Variants in MAGI3 observed in about 807,000 individuals in gnomAD.
MAGI3 encodes the protein membrane-associated guanylate kinase, WW and PDZ domain-containing protein 3.
In MAGI3, 43 loss-of-function variants were observed where a neutral mutation model predicts 121.8. That is an observed-to-expected ratio of 0.35 (90% CI 0.28 to 0.46). The LOEUF (loss-of-function observed/expected upper bound fraction) is 0.46. MAGI3 is among the 20% of genes least tolerant of loss of function. The probability of loss-of-function intolerance (pLI) is 1.00; values close to 1 mark genes in which losing one functional copy is unlikely to be tolerated. For missense variants in MAGI3, 1,547 were observed against 1,797.3 expected (o/e 0.86, Z 2.52); for synonymous variants, 553 against 639.3 (o/e 0.86, Z 2.04).
chr1:113,420,507 A>G (rs1434268758), intron 1 of MAGI3, among the ~76,000 whole-genome samples: 1 of 152,224 alleles, frequency 6.6e-6, no homozygotes, highest in Non-Finnish European at 1.5e-5. Flanking sequence ...ATATATTTTC[A>G]CTTGTTTTGA....
At position 113,682,988 on chromosome 1, in the gene MAGI3, T is replaced by C. The variant is rs1441436370; in HGVS notation, c.3420T>C (p.Phe1140=). ...CATCTTCACATTTTGCTTCCATATTTGAAGAGTCTCACGTGCCAGTAATTG... is the reference window on the plus strand; with the variant it reads ...CATCTTCACATTTTGCTTCCATATTCGAAGAGTCTCACGTGCCAGTAATTG... ...LPPSSHFASI[F]EESHVPVIEE... The change falls in exon 21 of 21, where the codon TTT becomes TTC. Residue 1140 remains phenylalanine, a synonymous_variant. Transcript: ENST00000307546. 1.4e-5 allele frequency: 23 copies of C among 1,613,898 alleles called. No individual in the cohort carries two copies. Among genetic ancestry groups the C allele is most frequent in the Non-Finnish European group, 1.9e-5 (23 of 1,179,860 alleles).
chr1:113,603,607 A>G (rs1436530825), intron 6 of MAGI3, among the ~76,000 whole-genome samples: 3 of 152,130 alleles, frequency 2.0e-5, no homozygotes, highest in Non-Finnish European at 2.9e-5. Flanking sequence ...CCAAAAGCAA[A>G]TGCAACAAAA....
At chr1:113,659,336 T>G in intron 16 of MAGI3, 71 bp downstream of exon 16, 1 of 1,462,494 alleles carries the variant, frequency 6.8e-7, no homozygotes, top group African/African-American at 1.4e-5. Context: ...GGCAGTGGCC[T>G]CCTCCAGCAC....
At chr1:113,586,406 G>A (rs914601824) in intron 4 of MAGI3, among the ~76,000 whole-genome samples, 1 of 152,076 alleles carries the variant, frequency 6.6e-6, no homozygotes, top group African/African-American at 2.4e-5. Flanking sequence ...TTTTCCCAAA[G>A]CACCCTAATC....
chr1:113,544,581 A>G lies in MAGI3; in HGVS notation c.317-4934A>G, dbSNP rs542553553. ...TTCTTAAAGGATGTGCATGATTAAT[A>G]GATGAAAGGAGCACATAATCATCAC... On this transcript the variant is annotated intron_variant, in intron 1 of 20. Coordinates refer to ENST00000307546, the MANE Select transcript of MAGI3 (RefSeq NM_001142782.2). 2.0e-5 allele frequency among the ~76,000 whole-genome samples: 3 copies of G among 152,358 alleles called. No individual in the cohort carries two copies. The East Asian group carries it at 5.8e-4, about 29-fold the overall frequency.
intron 2 of MAGI3, among the ~76,000 whole-genome samples, chr1:113,559,255 T>G (rs1307262535): frequency 1.3e-5 from 2 of 152,132 alleles, no homozygotes; most frequent in African/African-American, 2.4e-5. Flanking sequence ...AGACACAGAA[T>G]AGCAAGCTGT....
intron 6 of MAGI3, among the ~76,000 whole-genome samples, chr1:113,601,297 G>A (rs1370893214): frequency 6.6e-6 from 1 of 152,074 alleles, no homozygotes; most frequent in African/African-American, 2.4e-5. Flanking sequence ...CTACAAAACA[G>A]GAGAAAATTT....
Position 113,520,296 on chromosome 1 carries a change from C to T in MAGI3, c.317-29219C>T, listed in dbSNP as rs1021408874. Reference sequence around the variant, plus strand: ...TAAGTTCCATAAATGTGTTTAAATTCAGCAAACATTTGAGTGCCACTGTAT... The same window carrying T: ...TAAGTTCCATAAATGTGTTTAAATTTAGCAAACATTTGAGTGCCACTGTAT... On this transcript the variant is annotated intron_variant, in intron 1 of 20. Coordinates refer to ENST00000307546, the MANE Select transcript of MAGI3 (RefSeq NM_001142782.2). Among the ~76,000 whole-genome samples the T allele has an allele frequency of 2.7e-5, 4 of 150,584 alleles. No individual in the cohort carries two copies. In the East Asian group the frequency reaches 7.8e-4, roughly 29 times the overall value.
rs1651920299 is a variant in MAGI3 at position 113,410,522 on chromosome 1, G to T, written c.316+19173G>T. Among the ~76,000 whole-genome samples the T allele has an allele frequency of 2.0e-5, 3 of 151,986 alleles. No homozygotes were observed. The South Asian group carries it at 6.2e-4, about 32-fold the overall frequency. ...GAACTTTTTGGGAGATCTTGATAATGTTACATTGTATCTTTCTGGCTCTAG... is the reference window on the plus strand; with the variant it reads ...GAACTTTTTGGGAGATCTTGATAATTTTACATTGTATCTTTCTGGCTCTAG... On this transcript the variant is annotated intron_variant, in intron 1 of 20. Coordinates refer to ENST00000307546, the MANE Select transcript of MAGI3 (RefSeq NM_001142782.2).
intron 2 of MAGI3, among the ~76,000 whole-genome samples, chr1:113,562,693 C>T (rs969282258): frequency 6.6e-6 from 1 of 152,022 alleles, no homozygotes; most frequent in African/African-American, 2.4e-5. Context: ...TGGAGGGTTG[C>T]GGGTGGGAGG....
chr1:113,592,620 A>G (rs1226874327), intron 5 of MAGI3, among the ~76,000 whole-genome samples: 1 of 152,086 alleles, frequency 6.6e-6, no homozygotes, highest in East Asian at 1.9e-4. Flanking sequence ...AAAAACTTTT[A>G]AGTTTGGGGA....
intron 19 of MAGI3, among the ~76,000 whole-genome samples, chr1:113,678,382 CTT>C (rs916494645): frequency 1.3e-5 from 2 of 152,124 alleles, no homozygotes; most frequent in African/African-American, 4.8e-5. Flanking sequence ...TTTTGTTTCA[CTT>C]ATATATTCTG....
intron 1 of MAGI3, among the ~76,000 whole-genome samples, chr1:113,471,157 C>T (rs1399417982): frequency 6.6e-6 from 1 of 152,110 alleles, no homozygotes; most frequent in Non-Finnish European, 1.5e-5. Context: ...AACATTCCAG[C>T]TGACAGCAGA....
At chr1:113,562,396 A>C (rs1471282320) in intron 2 of MAGI3, among the ~76,000 whole-genome samples, 1 of 152,108 alleles carries the variant, frequency 6.6e-6, no homozygotes, top group East Asian at 1.9e-4. Flanking sequence ...GCGAGACTCC[A>C]TCTCAAAAAA....
chr1:113,548,663 G>A (rs776759737), intron 1 of MAGI3, among the ~76,000 whole-genome samples: 3 of 152,174 alleles, frequency 2.0e-5, no homozygotes, highest in East Asian at 1.9e-4. Flanking sequence ...GTCCCTGTTC[G>A]GGATTTTAGA....
chr1:113,649,904 T>C (rs1252403796), intron 13 of MAGI3, among the ~76,000 whole-genome samples: 2 of 152,234 alleles, frequency 1.3e-5, no homozygotes, highest in Non-Finnish European at 2.9e-5. Flanking sequence ...TAGGATTTTG[T>C]TTACACATGA....
Position 113,642,324 on chromosome 1 carries a change from AT to A in MAGI3, c.1776del (p.Ile592MetfsTer10). 6.2e-7 allele frequency: 1 copy of A among 1,614,166 alleles called. No homozygotes were observed. Among genetic ancestry groups the A allele is most frequent in the Non-Finnish European group, 8.5e-7 (1 of 1,180,030 alleles). On this transcript the variant is annotated frameshift_variant, in exon 10 of 21. Coordinates refer to ENST00000307546, the MANE Select transcript of MAGI3 (RefSeq NM_001142782.2). LOFTEE classifies it high-confidence loss of function. ...IKGPKGFGFA[I>X]ADSPTGQKVK... ...GGGCCCTAAAGGGTTTGGGTTTGCA[AT>A]TGCTGACAGCCCTACTGGACAGAAG... is the stretch of plus-strand genomic sequence containing the variant.
At chr1:113,638,449 G>C (rs75287875) in intron 9 of MAGI3, among the ~76,000 whole-genome samples, 3 of 152,248 alleles carry the variant, frequency 2.0e-5, no homozygotes, top group Non-Finnish European at 2.9e-5. Context: ...CCTTCTAACA[G>C]ACAGGACCCT....
In MAGI3 at chr1:113,423,259, TG is replaced by T. The variant is rs780415816; in HGVS notation, c.316+31920del. Among the ~76,000 whole-genome samples the T allele has an allele frequency of 3.4e-3, 407 of 120,278 alleles. 3 individuals carry two copies. Among genetic ancestry groups the T allele is most frequent in the African/African-American group, 0.011 (359 of 32,816 alleles). 78.9% of individuals were successfully genotyped at this position (120,278 alleles called of 152,430 possible). A position where few individuals can be genotyped will look rare whatever the true frequency, so the allele number is the denominator to read the frequency against. On this transcript the variant is annotated intron_variant, in intron 1 of 20. Transcript: ENST00000307546. ...TGGTAAGTATTCGTTTTTTTTTTTTTGGGGGGGGGGTTGTTTTTGTTTTTGT... is the reference window on the plus strand; with the variant it reads ...TGGTAAGTATTCGTTTTTTTTTTTTTGGGGGGGGGTTGTTTTTGTTTTTGT...
Sources: gnomAD v4.1 joint callset for allele counts (sites outside exome capture counted in the v4.1 genomes callset) on GRCh38, gnomAD v4.1.1 for gene constraint, MANE v1.5 for transcripts, NCBI Gene and HGNC (gene_info 2026-07-23, HGNC 2026-07-21) for gene names.